Variants in DLG1 observed in about 807,000 individuals in gnomAD.
DLG1 encodes discs large MAGUK scaffold protein 1, also known as disks large homolog 1.
A neutral mutation model predicts 123.4 loss-of-function variants in DLG1; 42 were observed. The ratio of observed to expected loss-of-function variants is 0.34; its 90% CI spans 0.27 to 0.44. DLG1 has a LOEUF of 0.44. DLG1 is among the 20% of genes least tolerant of loss of function. The pLI is 1.00. For missense variants in DLG1, 942 were observed against 1,082.6 expected, an observed-to-expected ratio of 0.87 and a Z score of 1.82; for synonymous variants, 317 against 356.2, an observed-to-expected ratio of 0.89 and a Z score of 1.24.
At chr3:197,108,088 T>C (rs1767626791) in intron 13 of DLG1, among the ~76,000 whole-genome samples, 1 of 152,242 alleles carries the variant, frequency 6.6e-6, no homozygotes, top group Non-Finnish European at 1.5e-5. Context: ...TTATGTCCTT[T>C]ATTAAGATGG....
At chr3:197,079,985 A>C (rs1038283367) in intron 17 of DLG1, among the ~76,000 whole-genome samples, 1 of 151,978 alleles carries the variant, frequency 6.6e-6, no homozygotes, top group Non-Finnish European at 1.5e-5. Flanking sequence ...AAGACTTATA[A>C]AAATTTTGTT....
At chr3:197,258,452 A>T (rs921462084) in intron 4 of DLG1, among the ~76,000 whole-genome samples, 4 of 151,978 alleles carry the variant, frequency 2.6e-5, no homozygotes, top group African/African-American at 9.7e-5. Context: ...ACAACCAAAA[A>T]ACTAATCATC....
chr3:197,273,997 A>C (rs973539982), intron 4 of DLG1, among the ~76,000 whole-genome samples: 1 of 152,206 alleles, frequency 6.6e-6, no homozygotes, highest in Non-Finnish European at 1.5e-5. Context: ...CATAGATTGG[A>C]AAAACTAATA....
intron 23 of DLG1, 32 bp from the exon 24 acceptor site, chr3:197,051,700 C>A: frequency 6.7e-7 from 1 of 1,496,220 alleles, no homozygotes; most frequent in Non-Finnish European, 9.3e-7. Context: ...TTGATAATTA[C>A]CAAATTATAA....
chr3:197,095,177 A>G (rs1759963938), intron 14 of DLG1, among the ~76,000 whole-genome samples: 1 of 152,062 alleles, frequency 6.6e-6, no homozygotes, highest in African/African-American at 2.4e-5. Context: ...TTTGACAGCA[A>G]TTTGCCTTCT....
At chr3:197,228,727 G>A (rs976765461) in intron 4 of DLG1, among the ~76,000 whole-genome samples, 1 of 152,126 alleles carries the variant, frequency 6.6e-6, no homozygotes, top group Non-Finnish European at 1.5e-5. Flanking sequence ...GCTTTTTAAT[G>A]ATGTTATCTA....
intron 4 of DLG1, among the ~76,000 whole-genome samples, chr3:197,207,484 C>A (rs1464060921): frequency 2.6e-5 from 4 of 152,010 alleles, no homozygotes; most frequent in Non-Finnish European, 5.9e-5. Context: ...AAAAGGCCAA[C>A]AGAAAATTTA....
intron 4 of DLG1, among the ~76,000 whole-genome samples, chr3:197,268,429 C>A (rs1277571641): frequency 2.0e-5 from 3 of 151,686 alleles, no homozygotes; most frequent in Admixed American, 1.3e-4. Context: ...TATAACATTT[C>A]TTTTTTTGGA....
At chr3:197,102,556 C>T (rs888937196) in intron 14 of DLG1, among the ~76,000 whole-genome samples, 1 of 152,196 alleles carries the variant, frequency 6.6e-6, no homozygotes, top group Non-Finnish European at 1.5e-5. Context: ...CTCTTATTAT[C>T]TTTGTATGAA....
intron 5 of DLG1, among the ~76,000 whole-genome samples, chr3:197,183,198 T>G (rs1026411473): frequency 4.6e-5 from 7 of 152,178 alleles, no homozygotes; most frequent in Non-Finnish European, 8.8e-5. Context: ...CCTAAGGTTA[T>G]CTAATAACAT....
intron 14 of DLG1, among the ~76,000 whole-genome samples, chr3:197,093,499 T>G (rs73208280): frequency 0.16 from 24,316 of 152,020 alleles, 2,039 homozygotes; most frequent in Middle Eastern, 0.17. Flanking sequence ...CTGCTTTGCT[T>G]TTTTCACTTA....
At chr3:197,145,639 T>A (rs1430742347) in intron 6 of DLG1, among the ~76,000 whole-genome samples, 1 of 152,220 alleles carries the variant, frequency 6.6e-6, no homozygotes, top group Non-Finnish European at 1.5e-5. Context: ...TGTGACCTTA[T>A]GATTTCTGCC....
At chr3:197,243,866 C>G (rs1047487593) in intron 4 of DLG1, among the ~76,000 whole-genome samples, 2 of 152,164 alleles carry the variant, frequency 1.3e-5, no homozygotes, top group Non-Finnish European at 2.9e-5. Flanking sequence ...CCAACGGCGT[C>G]TATATAAACA....
At chr3:197,068,885 G>A (rs1250227168) in intron 19 of DLG1, among the ~76,000 whole-genome samples, 1 of 151,998 alleles carries the variant, frequency 6.6e-6, no homozygotes. Flanking sequence ...TTATTTTAGT[G>A]CTCATGTTAA....
chr3:197,297,542 A>C (rs1579638575), intron 1 of DLG1: 2 of 1,117,458 alleles, frequency 1.8e-6, no homozygotes, highest in South Asian at 2.6e-5. Context: ...CACACTCCCC[A>C]CCTGCTACTG....
intron 4 of DLG1, among the ~76,000 whole-genome samples, chr3:197,277,319 C>A (rs1766949587): frequency 6.6e-6 from 1 of 150,666 alleles, no homozygotes. Flanking sequence ...TCAGGAAATT[C>A]CTCCTACTCT....
intron 4 of DLG1, among the ~76,000 whole-genome samples, chr3:197,235,642 T>C (rs1232225250): frequency 6.6e-6 from 1 of 152,198 alleles, no homozygotes; most frequent in Non-Finnish European, 1.5e-5. Context: ...ATCAACCTTA[T>C]CTGCAAATGA....
At position 197,065,439 on chromosome 3, in the gene DLG1, C is replaced by A; in HGVS notation, c.2210G>T (p.Arg737Ile). Residue 737 changes from arginine to isoleucine, a missense_variant, in exon 22 of 25, where the codon AGA becomes ATA. Coordinates refer to ENST00000667157, the MANE Select transcript of DLG1 (RefSeq NM_001366207.1). ...KFGSCVPHTT[R>I]PKRDYEVDGR... The stretch of plus-strand genomic sequence containing the variant: ...ATCTACCTCATAATCTCGTTTTGGT[C>A]TAGTTGTATCTTTAACAGAAAAAAA... 6.3e-7 allele frequency: 1 copy of A among 1,589,766 alleles called. No homozygotes were observed. Among genetic ancestry groups the A allele is most frequent in the South Asian group, 1.2e-5 (1 of 86,414 alleles).
chr3:197,103,378 A>G (rs1320600419), intron 14 of DLG1, among the ~76,000 whole-genome samples: 1 of 152,160 alleles, frequency 6.6e-6, no homozygotes, highest in East Asian at 1.9e-4. Flanking sequence ...TATTCCTTAT[A>G]AACATATAAA....
Sources: gnomAD v4.1 joint callset for allele counts (sites outside exome capture counted in the v4.1 genomes callset) on GRCh38, gnomAD v4.1.1 for gene constraint, MANE v1.5 for transcripts, NCBI Gene and HGNC (gene_info 2026-07-23, HGNC 2026-07-21) for gene names.